The following LRRC4C variants were observed in gnomAD, a reference collection of about 807,000 sequenced individuals.
The protein encoded by LRRC4C is leucine-rich repeat-containing protein 4C.
Under a neutral mutation model 33.6 loss-of-function variants are expected in LRRC4C, and 5 were observed. The observed-to-expected ratio is 0.15, with a 90% CI of 0.08 to 0.31. LRRC4C has a LOEUF of 0.31. Among genes scored for constraint, LRRC4C ranks in the 10% least tolerant of loss-of-function variants. The pLI, the probability that LRRC4C is intolerant of heterozygous loss-of-function variation, is 1.00. For synonymous variants in LRRC4C, 329 were observed against 302.0 expected, an observed-to-expected ratio of 1.09 and a Z score of -0.93; for missense variants, 560 against 796.7, an observed-to-expected ratio of 0.70 and a Z score of 3.58.
At chr11:41,214,774 T>G (rs188825951) in intron 1 of LRRC4C, among the ~76,000 whole-genome samples, 1,547 of 143,374 alleles carry the variant, frequency 0.011, 29 homozygotes, top group African/African-American at 0.038. Flanking sequence ...TATATATATA[T>G]ACACACATAT....
intron 1 of LRRC4C, among the ~76,000 whole-genome samples, chr11:41,118,716 G>A (rs996765185): frequency 6.6e-6 from 1 of 151,940 alleles, no homozygotes; most frequent in Non-Finnish European, 1.5e-5. Flanking sequence ...TCTTCCTTTT[G>A]TTATGGCAAG....
intron 2 of LRRC4C, among the ~76,000 whole-genome samples, chr11:40,773,903 G>T (rs10742558): frequency 6.6e-6 from 1 of 151,632 alleles, no homozygotes; most frequent in Non-Finnish European, 1.5e-5. Flanking sequence ...TATATGATTC[G>T]GTGGTATATA....
At chr11:40,141,419 A>G (rs957266106) in intron 5 of LRRC4C, among the ~76,000 whole-genome samples, 1 of 152,182 alleles carries the variant, frequency 6.6e-6, no homozygotes, top group African/African-American at 2.4e-5. Context: ...TCATAATCTG[A>G]GACTGAGGGC....
At chr11:40,617,449 A>G (rs1216491274) in intron 3 of LRRC4C, among the ~76,000 whole-genome samples, 1 of 151,710 alleles carries the variant, frequency 6.6e-6, no homozygotes, top group Non-Finnish European at 1.5e-5. Context: ...GCTGTAGTGT[A>G]AATTATTGCC....
intron 5 of LRRC4C, among the ~76,000 whole-genome samples, chr11:40,204,019 C>T (rs188481388): frequency 1.2e-4 from 18 of 152,274 alleles, no homozygotes; most frequent in African/African-American, 3.9e-4. Flanking sequence ...AACTCCTGGG[C>T]TCAAGAGACC....
chr11:41,386,647 A>T (rs773035124), intron 1 of LRRC4C, among the ~76,000 whole-genome samples: 3 of 151,794 alleles, frequency 2.0e-5, no homozygotes, highest in Non-Finnish European at 4.4e-5. Context: ...TGCTAGTCTT[A>T]ATCTTCTACA....
intron 2 of LRRC4C, among the ~76,000 whole-genome samples, chr11:40,907,442 C>T (rs1000737240): frequency 6.6e-6 from 1 of 152,180 alleles, no homozygotes; most frequent in African/African-American, 2.4e-5. Flanking sequence ...ATTTAGAAAT[C>T]AAAACAGGCT....
intron 6 of LRRC4C, among the ~76,000 whole-genome samples, chr11:40,128,923 T>A (rs1856454306): frequency 6.6e-6 from 1 of 152,230 alleles, no homozygotes. Flanking sequence ...TATTCAATTT[T>A]CCTCATAGCA....
intron 2 of LRRC4C, among the ~76,000 whole-genome samples, chr11:40,679,009 T>G (rs982223459): frequency 1.3e-5 from 2 of 152,166 alleles, no homozygotes; most frequent in Non-Finnish European, 2.9e-5. Context: ...GTTGAATGGC[T>G]TTGACAAAAA....
chr11:40,906,383 C>A (rs189177068), intron 2 of LRRC4C, among the ~76,000 whole-genome samples: 1 of 152,110 alleles, frequency 6.6e-6, no homozygotes, highest in African/African-American at 2.4e-5. Flanking sequence ...TGGTGCCATG[C>A]GCCTGTAATC....
At chr11:41,155,297 T>A (rs1318450856) in intron 1 of LRRC4C, among the ~76,000 whole-genome samples, 1 of 152,102 alleles carries the variant, frequency 6.6e-6, no homozygotes, top group Admixed American at 6.6e-5. Flanking sequence ...AGTTGCAAGC[T>A]TGCTGGAAAC....
intron 1 of LRRC4C, among the ~76,000 whole-genome samples, chr11:41,454,530 T>C (rs1956121146): frequency 1.3e-5 from 2 of 152,138 alleles, no homozygotes; most frequent in Non-Finnish European, 2.9e-5. Flanking sequence ...AATGAGATTT[T>C]AGATAAAGAG....
intron 1 of LRRC4C, among the ~76,000 whole-genome samples, chr11:40,993,238 T>G (rs1408239176): frequency 1.3e-5 from 2 of 152,194 alleles, no homozygotes; most frequent in East Asian, 3.8e-4. Flanking sequence ...TCTTTTGTTC[T>G]ACTTTCATTG....
chr11:41,210,028 A>G (rs557395716), intron 1 of LRRC4C, among the ~76,000 whole-genome samples: 3 of 152,250 alleles, frequency 2.0e-5, no homozygotes, highest in African/African-American at 7.2e-5. Context: ...GTGAGGAAGC[A>G]GGTGTCTGCA....
chr11:40,971,961 G>A (rs1851755018), intron 1 of LRRC4C, among the ~76,000 whole-genome samples: 1 of 152,124 alleles, frequency 6.6e-6, no homozygotes, highest in African/African-American at 2.4e-5. Context: ...TGGAATGGGA[G>A]TATTTACCCA....
At chr11:40,125,407 G>A (rs1252343945) in intron 6 of LRRC4C, among the ~76,000 whole-genome samples, 1 of 152,164 alleles carries the variant, frequency 6.6e-6, no homozygotes, top group Non-Finnish European at 1.5e-5. Context: ...TGATATTTGT[G>A]ATAAGCAGCT....
At chr11:41,094,608 C>A (rs899547908) in intron 1 of LRRC4C, among the ~76,000 whole-genome samples, 2 of 152,012 alleles carry the variant, frequency 1.3e-5, no homozygotes, top group Non-Finnish European at 2.9e-5. Flanking sequence ...ATCTATTAAC[C>A]CCATATAATA....
intron 3 of LRRC4C, among the ~76,000 whole-genome samples, chr11:40,501,417 G>A (rs1468452067): frequency 6.6e-6 from 1 of 152,200 alleles, no homozygotes; most frequent in Non-Finnish European, 1.5e-5. Flanking sequence ...GGTTCGCCAT[G>A]AGTGCCTTGT....
intron 1 of LRRC4C, among the ~76,000 whole-genome samples, chr11:41,014,240 T>C (rs1030449236): frequency 9.9e-5 from 15 of 152,166 alleles, no homozygotes; most frequent in African/African-American, 3.6e-4. Flanking sequence ...GAGGTTAGTA[T>C]TTCAATGTGT....
Sources: gnomAD v4.1 joint callset for allele counts (sites outside exome capture counted in the v4.1 genomes callset) on GRCh38, gnomAD v4.1.1 for gene constraint, MANE v1.5 for transcripts, NCBI Gene and HGNC (gene_info 2026-07-23, HGNC 2026-07-21) for gene names.